ZNF704: variants seen among roughly 807,000 people sequenced by gnomAD.
ZNF704 encodes zinc finger protein 704, also known as glucocorticoid induced gene 1.
Under a neutral mutation model 44.7 loss-of-function variants are expected in ZNF704, and 10 were observed. The observed-to-expected ratio is 0.22, with a 90% CI of 0.14 to 0.38. The LOEUF (loss-of-function observed/expected upper bound fraction) is 0.38. Among genes scored for constraint, ZNF704 ranks in the 10% least tolerant of loss-of-function variants. The probability of loss-of-function intolerance (pLI) is 1.00; values close to 1 mark genes in which losing one functional copy is unlikely to be tolerated. For synonymous variants in ZNF704, 211 were observed against 207.6 expected (o/e 1.02, Z -0.14); for missense variants, 390 against 545.5 (o/e 0.71, Z 2.84).
intron 1 of ZNF704, among the ~76,000 whole-genome samples, chr8:80,837,739 C>T (rs1340204584): frequency 6.6e-6 from 1 of 152,112 alleles, no homozygotes; most frequent in African/African-American, 2.4e-5. Context: ...GGAATTTGAG[C>T]CCCACCCAGT....
At chr8:80,883,343 A>G in the ZNF704 span, among the ~76,000 whole-genome samples, 6 of 152,226 alleles carry the variant, frequency 3.9e-5, no homozygotes, top group South Asian at 1.2e-3. Context: ...TACTAAACCT[A>G]GCCATTTTAA....
chr8:80,737,334 G>C (rs1021405893), intron 2 of ZNF704, among the ~76,000 whole-genome samples: 1 of 152,184 alleles, frequency 6.6e-6, no homozygotes, highest in Non-Finnish European at 1.5e-5. Flanking sequence ...ACTGAGGCTG[G>C]ATGGTCCTTT....
chr8:80,815,494 C>A (rs1056883277), intron 2 of ZNF704, among the ~76,000 whole-genome samples: 2 of 152,194 alleles, frequency 1.3e-5, no homozygotes, highest in Non-Finnish European at 1.5e-5. Context: ...CTCTAATGAT[C>A]TAGGTTATCT....
chr8:80,678,257 C>T (rs190810609), intron 4 of ZNF704, among the ~76,000 whole-genome samples: 5 of 152,286 alleles, frequency 3.3e-5, no homozygotes, highest in Admixed American at 3.3e-4. Flanking sequence ...AACATAATTA[C>T]ATATAGTGGG....
intron 2 of ZNF704, among the ~76,000 whole-genome samples, chr8:80,788,498 G>C (rs948208504): frequency 2.6e-5 from 4 of 152,218 alleles, no homozygotes; most frequent in African/African-American, 9.7e-5. Context: ...CCAATGAGAT[G>C]TAACTGGAAG....
At chr8:80,856,173 G>C (rs1808957964) in intron 1 of ZNF704, among the ~76,000 whole-genome samples, 1 of 152,066 alleles carries the variant, frequency 6.6e-6, no homozygotes, top group South Asian at 2.1e-4. Flanking sequence ...TGCCGGGGCT[G>C]GTCTTGGACT....
chr8:80,742,325 T>TA (rs1806774391), intron 2 of ZNF704, among the ~76,000 whole-genome samples: 1 of 152,154 alleles, frequency 6.6e-6, no homozygotes, highest in South Asian at 2.1e-4. Flanking sequence ...CACGAGGACA[T>TA]AGTTTCCTCC....
At chr8:80,802,288 C>T (rs1156561653) in intron 2 of ZNF704, among the ~76,000 whole-genome samples, 2 of 149,684 alleles carry the variant, frequency 1.3e-5, no homozygotes, top group Non-Finnish European at 3.0e-5. Context: ...TCTACTGAAA[C>T]TATTCCAAAA....
intron 2 of ZNF704, among the ~76,000 whole-genome samples, chr8:80,759,732 C>T (rs1807096864): frequency 6.6e-6 from 1 of 152,142 alleles, no homozygotes; most frequent in African/African-American, 2.4e-5. Context: ...CTTGAGCTTC[C>T]AGATGATACT....
At chr8:80,795,560 A>G (rs1301995809) in intron 2 of ZNF704, among the ~76,000 whole-genome samples, 3 of 152,164 alleles carry the variant, frequency 2.0e-5, no homozygotes, top group Non-Finnish European at 2.9e-5. Flanking sequence ...AAAAAGAAAT[A>G]AAATGCCTCA....
At chr8:80,860,311 T>C (rs981880532) in intron 1 of ZNF704, among the ~76,000 whole-genome samples, 5 of 152,318 alleles carry the variant, frequency 3.3e-5, no homozygotes, top group East Asian at 1.9e-4. Flanking sequence ...TGTGTCTGTG[T>C]TGAAATGGGG....
At chr8:80,704,555 G>C (rs956031693) in intron 2 of ZNF704, among the ~76,000 whole-genome samples, 1 of 152,198 alleles carries the variant, frequency 6.6e-6, no homozygotes, top group Non-Finnish European at 1.5e-5. Flanking sequence ...GCCAGGATTA[G>C]AGGGTTGGAC....
intron 1 of ZNF704, among the ~76,000 whole-genome samples, chr8:80,867,523 G>T (rs1467733347): frequency 6.6e-6 from 1 of 152,082 alleles, no homozygotes; most frequent in African/African-American, 2.4e-5. Context: ...ACCCTGCATA[G>T]TCAGTGCCCT....
chr8:80,786,932 T>C (rs1362751905), intron 2 of ZNF704, among the ~76,000 whole-genome samples: 1 of 152,226 alleles, frequency 6.6e-6, no homozygotes, highest in Non-Finnish European at 1.5e-5. Context: ...TCCTGATTAT[T>C]ATACAAAAAG....
intron 1 of ZNF704, among the ~76,000 whole-genome samples, chr8:80,825,469 T>A (rs2129903329): frequency 6.6e-6 from 1 of 152,184 alleles, no homozygotes; most frequent in African/African-American, 2.4e-5. Flanking sequence ...TCCCACACAA[T>A]AATAATGGGA....
Position 80,821,418 on chromosome 8 carries a change from T to G in ZNF704, c.177A>C (p.Gln59His), listed in dbSNP as rs201510037. ...TGTTGGAGGAAACAACTTTTCTTTT[T>G]TGCTCAAGGAGACAGATGGAGCGAG... ...ENTRSICLLE[Q>H]KRKVVSSNID... Residue 59 changes from glutamine to histidine, a missense_variant, in exon 2 of 9, where the codon CAA (glutamine) becomes CAC (histidine). Around this residue, in one of 3 missense-constraint regions of ZNF704, gnomAD observed 80 missense variants for 83.7 expected, o/e 0.96. Transcript: ENST00000327835. 3.1e-6 allele frequency: 5 copies of G among 1,613,806 alleles called. No homozygotes were observed. The highest frequency in any genetic ancestry group is 8.5e-7 in the Non-Finnish European group (1 of 1,179,968).
chr8:80,707,186 C>G (rs1818912088), intron 2 of ZNF704, among the ~76,000 whole-genome samples: 1 of 152,312 alleles, frequency 6.6e-6, no homozygotes. Flanking sequence ...GGTCTTTATA[C>G]TACACACTAA....
intron 2 of ZNF704, among the ~76,000 whole-genome samples, chr8:80,806,043 G>A (rs1807984542): frequency 6.6e-6 from 1 of 152,174 alleles, no homozygotes; most frequent in South Asian, 2.1e-4. Flanking sequence ...AGCAGGTGGT[G>A]TGTTTCATAG....
chr8:80,792,482 C>T (rs1218479425), intron 2 of ZNF704, among the ~76,000 whole-genome samples: 1 of 152,180 alleles, frequency 6.6e-6, no homozygotes, highest in Non-Finnish European at 1.5e-5. Context: ...ATCCCTTCCC[C>T]TTGAGTGTGG....
Sources: allele counts gnomAD v4.1 joint callset (sites outside exome capture counted in the v4.1 genomes callset), GRCh38; gene constraint gnomAD v4.1.1; regional missense constraint gnomAD v4.1.1; transcripts MANE v1.5; gene names NCBI Gene and HGNC (gene_info 2026-07-23, HGNC 2026-07-21).